Variants in PCNX2 observed in about 807,000 individuals in gnomAD.
The protein encoded by PCNX2 is pecanex 2, also known as pecanex-like protein 2.
Under a neutral mutation model 223.8 loss-of-function variants are expected in PCNX2, and 168 were observed. The ratio of observed to expected loss-of-function variants is 0.75; its 90% CI spans 0.66 to 0.85. The LOEUF is 0.85. Among genes scored for constraint, PCNX2 ranks in the 40% least tolerant of loss-of-function variants. PCNX2 has a pLI of 0.00. For synonymous variants in PCNX2, 1,006 were observed against 1,052.6 expected, an observed-to-expected ratio of 0.96 and a Z score of 0.86; for missense variants, 2,507 against 2,675.5, an observed-to-expected ratio of 0.94 and a Z score of 1.39.
intron 23 of PCNX2, among the ~76,000 whole-genome samples, chr1:233,080,556 G>A (rs1673312541): frequency 6.6e-6 from 1 of 152,126 alleles, no homozygotes; most frequent in Admixed American, 6.5e-5. Context: ...GAGGGTGTCA[G>A]CATGCTCAGG....
intron 25 of PCNX2, among the ~76,000 whole-genome samples, chr1:233,041,434 G>A (rs936625232): frequency 6.6e-6 from 1 of 152,086 alleles, no homozygotes; most frequent in Non-Finnish European, 1.5e-5. Flanking sequence ...GTCAAAATGC[G>A]GGTGCACAGC....
chr1:232,992,491 C>T (rs1669736938), intron 32 of PCNX2, among the ~76,000 whole-genome samples: 1 of 152,178 alleles, frequency 6.6e-6, no homozygotes, highest in Non-Finnish European at 1.5e-5. Flanking sequence ...ACTCAGTGTT[C>T]AGTAATGCTT....
chr1:233,189,734 T>C (rs879693858), intron 15 of PCNX2, among the ~76,000 whole-genome samples: 18 of 152,174 alleles, frequency 1.2e-4, no homozygotes, highest in Non-Finnish European at 2.2e-4. Context: ...CATTAAATTA[T>C]AATAATGTGC....
intron 21 of PCNX2, among the ~76,000 whole-genome samples, chr1:233,134,090 A>C (rs1676666881): frequency 6.6e-6 from 1 of 152,210 alleles, no homozygotes; most frequent in Non-Finnish European, 1.5e-5. Context: ...AGAAAGACTT[A>C]CAATTAAAAA....
intron 26 of PCNX2, among the ~76,000 whole-genome samples, chr1:233,023,260 T>C (rs1355363239): frequency 2.0e-5 from 3 of 152,226 alleles, no homozygotes; most frequent in Admixed American, 1.3e-4. Context: ...CCATTTATCA[T>C]CTGTTTTCTC....
At chr1:233,040,780 A>AATGATCTCTACCCCTGCC (rs1015400491) in intron 25 of PCNX2, among the ~76,000 whole-genome samples, 4 of 152,122 alleles carry the variant, frequency 2.6e-5, no homozygotes, top group Admixed American at 2.6e-4. Context: ...CTACCCCTGC[A>AATGATCTCTACCCCTGCC]ATGATCTCTA....
the PCNX2 span, among the ~76,000 whole-genome samples, chr1:233,303,970 T>C: frequency 6.6e-6 from 1 of 152,250 alleles, no homozygotes; most frequent in African/African-American, 2.4e-5. Flanking sequence ...TTTAGTCTGT[T>C]ACATTTAATG....
chr1:233,170,571 A>T (rs1359880258), intron 17 of PCNX2, among the ~76,000 whole-genome samples: 1 of 152,182 alleles, frequency 6.6e-6, no homozygotes, highest in African/African-American at 2.4e-5. Context: ...AAAATAATAA[A>T]TCAAAGGTCA....
rs1052252719 is a variant in PCNX2, at chr1:232,986,227, C to T, written c.6105G>A (p.Lys2035=). 1.3e-6 allele frequency: 2 copies of T among 1,559,528 alleles called. No individual in the cohort carries two copies. Among genetic ancestry groups the T allele is most frequent in the Non-Finnish European group, 1.7e-6 (2 of 1,151,516 alleles). Residue 2035 remains lysine (K), a synonymous_variant, in exon 33 of 34, where the codon AAG becomes AAA. Coordinates refer to ENST00000258229, the MANE Select transcript of PCNX2 (RefSeq NM_014801.4). ...TSSTLSFLFG[K]RSFSSALVIS... ...TGACGAGCGCGCTGGAAAAGCTCCT[C>T]TTGCCGAAGAGGAAGCTCAGGGTGG...
At chr1:233,158,691 A>G (rs1380923098) in intron 19 of PCNX2, among the ~76,000 whole-genome samples, 1 of 152,240 alleles carries the variant, frequency 6.6e-6, no homozygotes, top group African/African-American at 2.4e-5. Context: ...AGATATAAAT[A>G]TAGATATAGA....
At position 233,227,313 on chromosome 1, in the gene PCNX2, C is replaced by T. The variant is rs369777297; in HGVS notation, c.2417G>A (p.Arg806Gln). Reference sequence around the variant, plus strand: ...AATGATAAATTTGTAAAACTGCTCTCGGTTAAATTTTCCTTGTGTTGAAGA... The same window carrying T: ...AATGATAAATTTGTAAAACTGCTCTTGGTTAAATTTTCCTTGTGTTGAAGA... ...SCSSTQGKFNREQFYKFIIFP... is the reference protein window; with the variant it reads ...SCSSTQGKFNQEQFYKFIIFP... The change falls in exon 10 of 34, where the codon CGA (arginine) becomes CAA (glutamine). Residue 806 changes from arginine (R) to glutamine (Q), a missense_variant. Physicochemically the swap from Arg to Gln is conservative, Grantham distance 43 (BLOSUM62 1). Coordinates refer to ENST00000258229, the MANE Select transcript of PCNX2 (RefSeq NM_014801.4). 5.0e-6 allele frequency: 8 copies of T among 1,613,394 alleles called. No homozygotes were observed. Among genetic ancestry groups the T allele is most frequent in the East Asian group, 2.2e-5 (1 of 44,866 alleles).
intron 12 of PCNX2, among the ~76,000 whole-genome samples, chr1:233,216,433 A>G (rs1656912869): frequency 6.6e-6 from 1 of 152,208 alleles, no homozygotes; most frequent in South Asian, 2.1e-4. Context: ...GAATAAAGAG[A>G]TTAGCTTCAT....
chr1:233,136,291 G>A (rs148980861), intron 20 of PCNX2, among the ~76,000 whole-genome samples: 1,660 of 152,312 alleles, frequency 0.011, 14 homozygotes, highest in Non-Finnish European at 0.017. Flanking sequence ...CTGGGGCCAT[G>A]CCTCAATTGC....
At chr1:233,028,544 C>T (rs1671160983) in intron 25 of PCNX2, among the ~76,000 whole-genome samples, 1 of 152,080 alleles carries the variant, frequency 6.6e-6, no homozygotes. Context: ...TCCAGGTTTC[C>T]TATAATTAGT....
chr1:233,205,110 A>G (rs1472520008), intron 13 of PCNX2, among the ~76,000 whole-genome samples: 2 of 152,206 alleles, frequency 1.3e-5, no homozygotes, highest in African/African-American at 4.8e-5. Context: ...TGCCACACCA[A>G]GACAACTACA....
At chr1:233,183,616 G>A (rs140077103) in intron 15 of PCNX2, among the ~76,000 whole-genome samples, 1 of 152,302 alleles carries the variant, frequency 6.6e-6, no homozygotes, top group Non-Finnish European at 1.5e-5. Context: ...TGAAACTTGA[G>A]TTTTATGCTT....
chr1:233,059,838 C>A (rs1265476510), intron 23 of PCNX2, among the ~76,000 whole-genome samples: 3 of 152,156 alleles, frequency 2.0e-5, no homozygotes, highest in Non-Finnish European at 2.9e-5. Flanking sequence ...ATGAAAAGCA[C>A]TTGTCAGAAA....
intron 1 of PCNX2, chr1:233,290,944 A>T: frequency 1.0e-6 from 1 of 985,360 alleles, no homozygotes; most frequent in Non-Finnish European, 1.2e-6. Context: ...TGGGGTCTTG[A>T]AGGATGTGAA....
chr1:233,162,847 C>T (rs908468043), intron 17 of PCNX2, among the ~76,000 whole-genome samples: 33 of 152,134 alleles, frequency 2.2e-4, no homozygotes, highest in African/African-American at 7.0e-4. Context: ...AATTTAAAAT[C>T]ATGTGTTATG....
Sources: gnomAD v4.1 joint callset for allele counts (sites outside exome capture counted in the v4.1 genomes callset) on GRCh38, gnomAD v4.1.1 for gene constraint, MANE v1.5 for transcripts, NCBI Gene and HGNC (gene_info 2026-07-23, HGNC 2026-07-21) for gene names.